The following HCRTR2 variants were observed in gnomAD, a reference collection of about 807,000 sequenced individuals.
HCRTR2 encodes the protein hypocretin receptor 2.
A neutral mutation model predicts 49.0 loss-of-function variants in HCRTR2; 22 were observed. The observed-to-expected ratio is 0.45, with a 90% CI of 0.32 to 0.64. HCRTR2 has a LOEUF of 0.64. Among genes scored for constraint, HCRTR2 ranks in the 30% least tolerant of loss-of-function variants. The pLI is 0.04. For missense variants in HCRTR2, 491 were observed against 559.4 expected (o/e 0.88, Z 1.23); for synonymous variants, 236 against 205.3 (o/e 1.15, Z -1.28).
At position 55,133,382 on chromosome 6, in the gene HCRTR2, C is replaced by CA. The variant is rs200552487; in HGVS notation, c.-378+26838dup. ...GAGAGATCATATACACATACACACA[C>CA]ACAAAAAAACACACACACACACACA... is the stretch of plus-strand genomic sequence containing the variant. On this transcript the variant is annotated intron_variant, in intron 1 of 7. Transcript: ENST00000615358. 6.2e-3 allele frequency among the ~76,000 whole-genome samples: 655 copies of CA among 105,080 alleles called. 1 individual carries two copies. The highest frequency in any genetic ancestry group is 8.0e-3 in the African/African-American group (238 of 29,848). 68.9% of individuals were successfully genotyped at this position (105,080 alleles called of 152,430 possible).
At chr6:55,176,237 C>T (rs984933384) in intron 1 of HCRTR2, among the ~76,000 whole-genome samples, 1 of 152,090 alleles carries the variant, frequency 6.6e-6, no homozygotes, top group Non-Finnish European at 1.5e-5. Context: ...AGACAAGAAA[C>T]CTCTGAGAAC....
chr6:55,248,526 T>G, intron 1 of HCRTR2, 113 bp from the exon 2 acceptor site: 1 of 862,388 alleles, frequency 1.2e-6, no homozygotes, highest in Non-Finnish European at 1.9e-6. Context: ...CAGCCTTCAA[T>G]TATTTTTCTT....
chr6:55,144,654 C>T (rs1764554908), intron 1 of HCRTR2, among the ~76,000 whole-genome samples: 1 of 152,142 alleles, frequency 6.6e-6, no homozygotes, highest in Non-Finnish European at 1.5e-5. Flanking sequence ...ATGCGCAGTT[C>T]ACAATAGGTT....
intron 1 of HCRTR2, among the ~76,000 whole-genome samples, chr6:55,245,832 G>T (rs1581853982): frequency 1.3e-5 from 2 of 151,796 alleles, no homozygotes; most frequent in Non-Finnish European, 1.5e-5. Context: ...ATGCCTTTTT[G>T]ATTTGAATTG....
At chr6:55,174,343 G>C, upstream of HCRTR2, 1 of 546,180 alleles carries the variant, frequency 1.8e-6, no homozygotes, top group African/African-American at 1.9e-5. Flanking sequence ...TCCAGTGCCG[G>C]GTCCCTAGTT....
chr6:55,125,973 T>G (rs564496039), intron 1 of HCRTR2, among the ~76,000 whole-genome samples: 15 of 150,788 alleles, frequency 9.9e-5, no homozygotes, highest in Admixed American at 6.0e-4. Context: ...ATCATGTCGT[T>G]TATGTTCTTC....
At chr6:55,276,779 C>A (rs1767083898) in intron 4 of HCRTR2, among the ~76,000 whole-genome samples, 1 of 152,174 alleles carries the variant, frequency 6.6e-6, no homozygotes, top group African/African-American at 2.4e-5. Flanking sequence ...GGCTGGACCA[C>A]AAAACTGATT....
At chr6:55,222,860 A>G (rs1254386144) in intron 1 of HCRTR2, among the ~76,000 whole-genome samples, 1 of 152,200 alleles carries the variant, frequency 6.6e-6, no homozygotes, top group African/African-American at 2.4e-5. Flanking sequence ...GATCTGATGT[A>G]CAATAATATG....
chr6:55,148,435 G>A (rs1365364898), intron 1 of HCRTR2, among the ~76,000 whole-genome samples: 2 of 152,088 alleles, frequency 1.3e-5, no homozygotes, highest in Non-Finnish European at 2.9e-5. Context: ...GGAAATTATA[G>A]AAGTGGGCAT....
At chr6:55,239,800 C>T (rs140869539) in intron 1 of HCRTR2, among the ~76,000 whole-genome samples, 12,226 of 123,966 alleles carry the variant, frequency 0.099, 762 homozygotes, top group African/African-American at 0.19. Flanking sequence ...TTTTTTGAGA[C>T]GGAGTCTCAC....
intron 1 of HCRTR2, among the ~76,000 whole-genome samples, chr6:55,227,271 T>C (rs9357849): frequency 0.34 from 52,108 of 151,984 alleles, 9,739 homozygotes; most frequent in African/African-American, 0.49. Flanking sequence ...GAGATATCAA[T>C]GGGTTATTTT....
At chr6:55,226,711 G>GT (rs777871106) in intron 1 of HCRTR2, among the ~76,000 whole-genome samples, 9,347 of 74,358 alleles carry the variant, frequency 0.13, 1,367 homozygotes, top group East Asian at 0.26. Flanking sequence ...AATTCCAGGT[G>GT]TTTTTTTTTT....
chr6:55,207,716 T>G (rs9464207), intron 1 of HCRTR2, among the ~76,000 whole-genome samples: 4,225 of 152,274 alleles, frequency 0.028, 191 homozygotes, highest in African/African-American at 0.097. Context: ...CCAGGGCCAT[T>G]GTAGCAAATA....
chr6:55,139,153 G>GTTCC (rs1764474320), intron 1 of HCRTR2, among the ~76,000 whole-genome samples: 1 of 152,212 alleles, frequency 6.6e-6, no homozygotes, highest in African/African-American at 2.4e-5. Flanking sequence ...GGGTGAGGAA[G>GTTCC]TTAAAGAAGG....
At chr6:55,227,706 A>G (rs1410576517) in intron 1 of HCRTR2, among the ~76,000 whole-genome samples, 1 of 152,182 alleles carries the variant, frequency 6.6e-6, no homozygotes, top group Non-Finnish European at 1.5e-5. Flanking sequence ...AATACTTGAT[A>G]TAAATTAGAT....
intron 1 of HCRTR2, among the ~76,000 whole-genome samples, chr6:55,244,601 G>A (rs1766395933): frequency 1.3e-5 from 2 of 152,046 alleles, no homozygotes; most frequent in Non-Finnish European, 2.9e-5. Context: ...TAAATTTAGT[G>A]TGCTCTCAGG....
At chr6:55,256,652 T>C (rs905967409) in intron 3 of HCRTR2, among the ~76,000 whole-genome samples, 11 of 152,094 alleles carry the variant, frequency 7.2e-5, no homozygotes, top group Non-Finnish European at 1.3e-4. Context: ...TTTTTCTCTG[T>C]ATCATTTTCA....
rs1767213658 is a variant in HCRTR2 at position 55,282,538 on chromosome 6, T to G, written c.*84T>G. 1 of 765,922 alleles carries G rather than the reference T, an allele frequency of 1.3e-6. No homozygotes were observed. The highest frequency in any genetic ancestry group is 2.7e-5 in the East Asian group (1 of 37,550). The allele number at this position is 765,922 out of a possible 1,614,324, so 47.4% of individuals were successfully genotyped here. On this transcript the variant is annotated 3_prime_UTR_variant, in exon 7 of 7. Coordinates refer to ENST00000370862, the MANE Select transcript of HCRTR2 (RefSeq NM_001384272.1). ...GAACAGAAATTTTATTATCCTATGA[T>G]GTGAAGCTAAAATTACTTGTGGATC...
intron 1 of HCRTR2, among the ~76,000 whole-genome samples, chr6:55,210,552 G>C (rs147293287): frequency 6.6e-6 from 1 of 152,140 alleles, no homozygotes; most frequent in East Asian, 1.9e-4. Context: ...GTTGCAGTGG[G>C]GAATTGAGAA....
Sources: allele counts gnomAD v4.1 joint callset (sites outside exome capture counted in the v4.1 genomes callset), GRCh38; gene constraint gnomAD v4.1.1; transcripts MANE v1.5; gene names NCBI Gene and HGNC (gene_info 2026-07-23, HGNC 2026-07-21).